LATS2: variants seen among roughly 807,000 people sequenced by gnomAD.
LATS2 encodes large tumor suppressor kinase 2.
In LATS2, 24 loss-of-function variants were observed where a neutral mutation model predicts 76.0. That is an observed-to-expected ratio of 0.32 (90% confidence interval 0.23 to 0.44). The LOEUF (loss-of-function observed/expected upper bound fraction) is 0.44, where lower values mean the gene tolerates loss of function less well. Ranked by LOEUF, LATS2 falls within the 20% of genes least tolerant of loss-of-function variation. The pLI, the probability that LATS2 is intolerant of heterozygous loss-of-function variation, is 1.00. For missense variants in LATS2, 1,286 were observed against 1,481.2 expected (o/e 0.87, Z 2.16); for synonymous variants, 692 against 635.4 (o/e 1.09, Z -1.34).
At position 20,974,289 on chromosome 13, in the gene LATS2, G is replaced by C. The variant is rs763808711; in HGVS notation, c.*581C>G. 7.2e-5 allele frequency: 16 copies of C among 223,354 alleles called. No homozygotes were observed. The highest frequency in any genetic ancestry group is 3.4e-4 in the African/African-American group (15 of 44,496). The allele number at this position is 223,354 out of a possible 1,614,324, so 13.8% of individuals were successfully genotyped here. On this transcript the variant is annotated 3_prime_UTR_variant, in exon 8 of 8. Coordinates refer to ENST00000382592, the MANE Select transcript of LATS2 (RefSeq NM_014572.3). ...CTTGCTCACACTTCCTATTATACTAGATATGCAAAAAGCCAAAAAAAGCAG... is the reference window on the plus strand; with the variant it reads ...CTTGCTCACACTTCCTATTATACTACATATGCAAAAAGCCAAAAAAAGCAG...
At chr13:21,019,730 T>C (rs978927693) in intron 2 of LATS2, among the ~76,000 whole-genome samples, 1 of 147,496 alleles carries the variant, frequency 6.8e-6, no homozygotes, top group African/African-American at 2.5e-5. Flanking sequence ...TCCTAGCACT[T>C]TGGGAGGCCG....
rs534156763 is a variant in LATS2, at chr13:21,057,038, T to G, written c.-205+4308A>C. On this transcript the variant is annotated intron_variant, in intron 1 of 7. Transcript: ENST00000382592. ...TGAGACTCCCGAGTAAGAATGGAGT[T>G]AACTAGTAATGAACCATGTTGGCCC... is the stretch of plus-strand genomic sequence containing the variant. Among the ~76,000 whole-genome samples the G allele has an allele frequency of 2.0e-5, 3 of 152,288 alleles. No individual in the cohort carries two copies. The South Asian group carries it at 6.2e-4, about 32-fold the overall frequency.
At chr13:21,001,089 G>A (rs1871020100) in intron 2 of LATS2, among the ~76,000 whole-genome samples, 1 of 152,214 alleles carries the variant, frequency 6.6e-6, no homozygotes, top group Non-Finnish European at 1.5e-5. Context: ...CCAGATCACA[G>A]TTGTGTCCAA....
chr13:21,046,673 T>C (rs977369096), intron 1 of LATS2, among the ~76,000 whole-genome samples: 3 of 152,154 alleles, frequency 2.0e-5, no homozygotes, highest in Middle Eastern at 3.2e-3. Context: ...CTCTCCCCCC[T>C]CACATGAGAT....
intron 1 of LATS2, among the ~76,000 whole-genome samples, chr13:21,051,919 T>G (rs1595258956): frequency 6.6e-6 from 1 of 152,300 alleles, no homozygotes; most frequent in Non-Finnish European, 1.5e-5. Context: ...GTCACACTAC[T>G]GCACTCCAGC....
At chr13:21,000,497 T>TA (rs960324009) in intron 2 of LATS2, among the ~76,000 whole-genome samples, 3 of 152,142 alleles carry the variant, frequency 2.0e-5, no homozygotes, top group Non-Finnish European at 2.9e-5. Context: ...AAGTTTTTTT[T>TA]ATCCCGATTT....
chr13:21,006,475 G>C (rs1255063810), intron 2 of LATS2, among the ~76,000 whole-genome samples: 2 of 152,212 alleles, frequency 1.3e-5, no homozygotes, highest in African/African-American at 4.8e-5. Flanking sequence ...GGACTAACTT[G>C]TGCCACAATT....
intron 2 of LATS2, among the ~76,000 whole-genome samples, chr13:20,998,050 C>T (rs1431576001): frequency 1.3e-5 from 2 of 152,194 alleles, no homozygotes; most frequent in African/African-American, 2.4e-5. Context: ...CTGTCTGTGT[C>T]TGCCTGTCTC....
chr13:21,037,386 C>A (rs906080434), intron 2 of LATS2, among the ~76,000 whole-genome samples: 1 of 152,146 alleles, frequency 6.6e-6, no homozygotes, highest in Non-Finnish European at 1.5e-5. Context: ...CTGGGCAACA[C>A]AGCAAGACTC....
At chr13:20,997,675 T>G (rs528732819) in intron 2 of LATS2, among the ~76,000 whole-genome samples, 52 of 152,226 alleles carry the variant, frequency 3.4e-4, no homozygotes, top group African/African-American at 1.2e-3. Context: ...CACCCTCTGC[T>G]CTCTTGGCTT....
chr13:21,030,939 G>A (rs1003271505), intron 2 of LATS2, among the ~76,000 whole-genome samples: 7 of 149,084 alleles, frequency 4.7e-5, no homozygotes, highest in African/African-American at 1.2e-4. Context: ...TTGTTCCCCC[G>A]GAAATGTCTT....
chr13:21,014,672 C>G (rs1266222064), intron 2 of LATS2, among the ~76,000 whole-genome samples: 4 of 152,172 alleles, frequency 2.6e-5, no homozygotes, highest in African/African-American at 9.7e-5. Flanking sequence ...GTTTATGCAG[C>G]CAGCACTGCT....
At chr13:20,985,075 G>A (rs1276659392) in intron 4 of LATS2, among the ~76,000 whole-genome samples, 1 of 152,174 alleles carries the variant, frequency 6.6e-6, no homozygotes, top group East Asian at 1.9e-4. Context: ...GGGAAAACTA[G>A]ATATCCATAT....
At chr13:21,006,289 AAAG>A (rs1171282922) in intron 2 of LATS2, among the ~76,000 whole-genome samples, 3 of 151,750 alleles carry the variant, frequency 2.0e-5, no homozygotes, top group African/African-American at 2.4e-5. Flanking sequence ...GTGAGCAGAG[AAAG>A]AAGACCAGGC....
chr13:21,052,633 C>T (rs778315916), intron 1 of LATS2, among the ~76,000 whole-genome samples: 5 of 152,080 alleles, frequency 3.3e-5, no homozygotes, highest in African/African-American at 9.7e-5. Context: ...ATAACAGGCG[C>T]GGGCTACCAT....
chr13:20,981,669 T>C (rs763280656), intron 5 of LATS2, 21 bp from the exon 6 acceptor site: 3 of 1,573,630 alleles, frequency 1.9e-6, no homozygotes, highest in Non-Finnish European at 2.6e-6. Context: ...GAATCAGGGA[T>C]AGTGAAAGAA....
chr13:21,020,039 G>T (rs1479266183), intron 2 of LATS2, among the ~76,000 whole-genome samples: 1 of 151,638 alleles, frequency 6.6e-6, no homozygotes, highest in Non-Finnish European at 1.5e-5. Context: ...TAGAGAACAG[G>T]GAACACATTT....
chr13:20,990,461 ATTTTTTTTTT>A (rs35074574), intron 3 of LATS2, among the ~76,000 whole-genome samples: 1,089 of 94,478 alleles, frequency 0.012, 28 homozygotes, highest in African/African-American at 0.042. Flanking sequence ...AATTACTAGG[ATTTTTTTTTT>A]TTTTTTTTTT....
At chr13:20,997,564 A>G (rs1714851087) in intron 2 of LATS2, among the ~76,000 whole-genome samples, 1 of 152,148 alleles carries the variant, frequency 6.6e-6, no homozygotes, top group Non-Finnish European at 1.5e-5. Context: ...CAGGTACATC[A>G]CCATTTAATG....
Sources: allele counts gnomAD v4.1 joint callset (sites outside exome capture counted in the v4.1 genomes callset), GRCh38; gene constraint gnomAD v4.1.1; transcripts MANE v1.5; gene names NCBI Gene and HGNC (gene_info 2026-07-23, HGNC 2026-07-21).